POM121: variants seen among roughly 807,000 people sequenced by gnomAD.
POM121 encodes nuclear envelope pore membrane protein POM 121.
In POM121, 32 loss-of-function variants were observed where a neutral mutation model predicts 81.3. That is an observed-to-expected ratio of 0.39 (90% CI 0.30 to 0.53). POM121 has a LOEUF of 0.53. Ranked by LOEUF, POM121 falls within the 20% of genes least tolerant of loss-of-function variation. The pLI is 0.66. For synonymous variants in POM121, 514 were observed against 694.2 expected (o/e 0.74, Z 4.08); for missense variants, 1,138 against 1,614.6 (o/e 0.70, Z 5.06).
intron 4 of POM121, among the ~76,000 whole-genome samples, chr7:72,929,531 T>A (rs1381102149): frequency 6.6e-6 from 1 of 152,142 alleles, no homozygotes; most frequent in Non-Finnish European, 1.5e-5. Context: ...TGACATAAAA[T>A]AGACCGTACT....
chr7:72,938,754 C>G (rs1398784304), intron 6 of POM121, 73 bp downstream of exon 6: 1 of 1,514,750 alleles, frequency 6.6e-7, no homozygotes, highest in Non-Finnish European at 9.2e-7. Context: ...GGAAACGAAC[C>G]TGGCTCTTAG....
At chr7:72,889,418 T>C (rs557906828) in intron 1 of POM121, among the ~76,000 whole-genome samples, 1 of 152,366 alleles carries the variant, frequency 6.6e-6, no homozygotes, top group South Asian at 2.1e-4. Context: ...AACTACAAGT[T>C]TGGGCGGGGC....
intron 3 of POM121, among the ~76,000 whole-genome samples, chr7:72,906,168 G>A (rs2129575917): frequency 6.6e-6 from 1 of 152,268 alleles, no homozygotes; most frequent in Admixed American, 6.5e-5. Context: ...TTAAATAGGG[G>A]GCTTTAAATG....
chr7:72,939,289 C>G (rs376808523), intron 6 of POM121, 47 bp from the exon 7 acceptor site: 82 of 1,602,576 alleles, frequency 5.1e-5, no homozygotes, highest in East Asian at 3.1e-4. Context: ...TTTAATACTT[C>G]AGCCAAGAAG....
intron 11 of POM121, among the ~76,000 whole-genome samples, chr7:72,944,042 AAAAC>A (rs1286092097): frequency 2.6e-5 from 4 of 152,072 alleles, no homozygotes; most frequent in African/African-American, 9.7e-5. Flanking sequence ...TCTGTCTCAA[AAAAC>A]AAACCGTAAG....
At position 72,925,706 on chromosome 7, in the gene POM121, C is replaced by G. The variant is rs1795367942; in HGVS notation, c.585C>G (p.His195Gln). The change falls in exon 1 of 13, where the codon CAC (histidine) becomes CAG (glutamine). Residue 195 changes from histidine to glutamine, a missense_variant. Physicochemically the swap from His to Gln is conservative, Grantham distance 24 (BLOSUM62 0). Coordinates refer to ENST00000434423, the MANE Select transcript of POM121 (RefSeq NM_001387691.1). The stretch of plus-strand genomic sequence containing the variant: ...CCTCCCCGCCGACCCATCGCGCTCA[C>G]CACGTTTACCCCTCTCTGCCCACTC... ...PPPSPPTHRAHHVYPSLPTPL... is the reference protein window; with the variant it reads ...PPPSPPTHRAQHVYPSLPTPL... 1 of 1,284,694 alleles carries G rather than the reference C, an allele frequency of 7.8e-7. No homozygotes were observed. Among genetic ancestry groups the G allele is most frequent in the Non-Finnish European group, 9.9e-7 (1 of 1,013,648 alleles). The allele number at this position is 1,284,694 out of a possible 1,614,324, so 79.6% of individuals were successfully genotyped here.
chr7:72,935,937 C>T (rs1160319006), intron 5 of POM121, among the ~76,000 whole-genome samples: 3 of 152,120 alleles, frequency 2.0e-5, no homozygotes, highest in African/African-American at 7.2e-5. Context: ...AGTACATACA[C>T]TCAGGTCTAT....
In POM121 at chr7:72,943,250, G is replaced by C. The variant is rs782151850; in HGVS notation, c.3257G>C (p.Ser1086Thr). 2 of 1,611,520 alleles carry C rather than the reference G, an allele frequency of 1.2e-6. No individual in the cohort carries two copies. Among genetic ancestry groups the C allele is most frequent in the South Asian group, 2.2e-5 (2 of 90,882 alleles). The change falls in exon 11 of 13, where the codon AGC (serine) becomes ACC (threonine). Residue 1086 changes from serine to threonine, a missense_variant. Coordinates refer to ENST00000434423, the MANE Select transcript of POM121 (RefSeq NM_001387691.1). ...TTQTASSGSS[S>T]SVFGSTTPSP... Reference sequence around the variant, plus strand: ...CAGACCGCCAGCAGCGGGAGCAGCAGCTCGGTGTTTGGCAGCACAACACCA... The same window carrying C: ...CAGACCGCCAGCAGCGGGAGCAGCACCTCGGTGTTTGGCAGCACAACACCA...
At chr7:72,939,764 A>G (rs365290) in intron 7 of POM121, 83 bp from the exon 8 acceptor site, 69 of 1,610,332 alleles carry the variant, frequency 4.3e-5, no homozygotes, top group African/African-American at 1.7e-4. Flanking sequence ...TGAAAACTCA[A>G]TGTGAAATGC....
At chr7:72,887,658 C>G (rs535575975) in intron 1 of POM121, among the ~76,000 whole-genome samples, 2 of 152,232 alleles carry the variant, frequency 1.3e-5, no homozygotes, top group East Asian at 1.9e-4. Context: ...GAAACCCCAT[C>G]TCTACTAAAA....
At chr7:72,920,407 G>A (rs1794698962), upstream of POM121, among the ~76,000 whole-genome samples, 1 of 148,694 alleles carries the variant, frequency 6.7e-6, no homozygotes, top group South Asian at 2.1e-4. Flanking sequence ...GGAGTGGAGT[G>A]GCGCAATCTC....
rs782675230 is a variant in POM121, at chr7:72,943,430, G to T, written c.3437G>T (p.Gly1146Val). 22 of 1,612,936 alleles carry T rather than the reference G, an allele frequency of 1.4e-5. No homozygotes were observed. Among genetic ancestry groups the T allele is most frequent in the African/African-American group, 2.7e-5 (2 of 75,022 alleles). The change falls in exon 11 of 13, where the codon GGC becomes GTC. Residue 1146 changes from glycine to valine, a missense_variant. Physicochemically the swap from Gly to Val is moderately radical, Grantham distance 109. Transcript: ENST00000434423. ...STATSTPFAG[G>V]LGQNALGTTG... ...GCCACCTCCACCCCCTTCGCAGGGG[G>T]CTTAGGTCAGAACGCCCTGGGCACC...
At chr7:72,900,856 G>A (rs1792546341) in intron 3 of POM121, among the ~76,000 whole-genome samples, 1 of 149,700 alleles carries the variant, frequency 6.7e-6, no homozygotes, top group Non-Finnish European at 1.5e-5. Flanking sequence ...TGGTTATTTT[G>A]CTCTTTTTCT....
At chr7:72,927,723 T>G (rs1246224679) in intron 3 of POM121, among the ~76,000 whole-genome samples, 2 of 151,726 alleles carry the variant, frequency 1.3e-5, no homozygotes, top group Non-Finnish European at 2.9e-5. Context: ...AAAAAATCCT[T>G]ATGTGGTTTA....
At chr7:72,920,756 G>A (rs1794747930), upstream of POM121, among the ~76,000 whole-genome samples, 1 of 152,148 alleles carries the variant, frequency 6.6e-6, no homozygotes, top group African/African-American at 2.4e-5. Flanking sequence ...TGATTCATTA[G>A]GTGGGTCCAG....
chr7:72,936,515 G>A (rs2129579270), intron 5 of POM121, among the ~76,000 whole-genome samples: 1 of 152,258 alleles, frequency 6.6e-6, no homozygotes, highest in Middle Eastern at 3.4e-3. Flanking sequence ...CTGACCTCGT[G>A]ATCCGCCCAC....
intron 10 of POM121, among the ~76,000 whole-genome samples, 155 bp from the exon 11 acceptor site, chr7:72,941,682 T>G (rs1287731553): frequency 3.3e-5 from 5 of 152,000 alleles, no homozygotes; most frequent in African/African-American, 1.2e-4. Flanking sequence ...CTTCCTTGAT[T>G]TACTGTACAG....
In POM121 at chr7:72,943,534, C is replaced by T. The variant is rs368678735; in HGVS notation, c.3529+12C>T. 4.7e-5 allele frequency: 76 copies of T among 1,610,842 alleles called. No homozygotes were observed. Among genetic ancestry groups the T allele is most frequent in the African/African-American group, 4.1e-4 (31 of 74,750 alleles). On this transcript the variant is annotated intron_variant, in intron 11 of 12. Transcript: ENST00000434423. The stretch of plus-strand genomic sequence containing the variant: ...ACCTGTGTTTGGAGGTAAGGAGGGG[C>T]GTGGACTTGGGCTACCGGGCCGGAC...
intron 3 of POM121, among the ~76,000 whole-genome samples, chr7:72,900,995 T>C (rs1554492577): frequency 6.6e-6 from 1 of 151,872 alleles, no homozygotes; most frequent in African/African-American, 2.4e-5. Flanking sequence ...TTGGCGTTTT[T>C]TTTTTTAAGA....
Sources: allele counts gnomAD v4.1 joint callset (sites outside exome capture counted in the v4.1 genomes callset), GRCh38; gene constraint gnomAD v4.1.1; transcripts MANE v1.5; gene names NCBI Gene and HGNC (gene_info 2026-07-23, HGNC 2026-07-21).